DUSP22: variants seen among roughly 807,000 people sequenced by gnomAD.
DUSP22 encodes dual specificity phosphatase 22, also known as dual specificity protein phosphatase 22.
A neutral mutation model predicts 24.5 loss-of-function variants in DUSP22; 24 were observed. That is an observed-to-expected ratio of 0.98 (90% CI 0.71 to 1.38). The LOEUF is 1.38. DUSP22 is among the 40% of genes most tolerant of loss of function. The pLI is 0.00. For missense variants in DUSP22, 330 were observed against 269.2 expected (o/e 1.23, Z -1.58); for synonymous variants, 160 against 106.4 (o/e 1.50, Z -3.10).
intron 2 of DUSP22, among the ~76,000 whole-genome samples, chr6:309,157 G>A (rs1327846243): frequency 6.6e-6 from 1 of 152,312 alleles, no homozygotes; most frequent in African/African-American, 2.4e-5. Flanking sequence ...GGGGTTGGGG[G>A]TTGGCAGTGA....
At chr6:317,228 C>T (rs527671690) in intron 3 of DUSP22, among the ~76,000 whole-genome samples, 1 of 152,424 alleles carries the variant, frequency 6.6e-6, no homozygotes, top group African/African-American at 2.4e-5. Flanking sequence ...TGGACGGCCC[C>T]ATCCTTTTTC....
chr6:333,047 C>G (rs1759206333), intron 3 of DUSP22, among the ~76,000 whole-genome samples: 1 of 152,298 alleles, frequency 6.6e-6, no homozygotes, highest in African/African-American at 2.4e-5. Flanking sequence ...AAGGAAAGGA[C>G]TGAAATTACT....
chr6:293,070 T>C (rs976470035), intron 1 of DUSP22, among the ~76,000 whole-genome samples: 47 of 152,410 alleles, frequency 3.1e-4, no homozygotes, highest in South Asian at 8.3e-4. Context: ...TCCTAAGTCC[T>C]GAGCTGTTTC....
At position 350,800 on chromosome 6, in the gene DUSP22, C is replaced by T. The variant is rs1436811462; in HGVS notation, c.*1849C>T. 1 of 1,614,226 alleles carries T rather than the reference C, an allele frequency of 6.2e-7. No individual in the cohort carries two copies. The highest frequency in any genetic ancestry group is 1.1e-5 in the South Asian group (1 of 91,076). ...GAAATGTTGTTTTAATATTTGTTGCCAGTAATGTTCTTTCTTCACAGCCGC... is the reference window on the plus strand; with the variant it reads ...GAAATGTTGTTTTAATATTTGTTGCTAGTAATGTTCTTTCTTCACAGCCGC... On this transcript the variant is annotated 3_prime_UTR_variant, in exon 7 of 7. Coordinates refer to ENST00000419235, the MANE Select transcript of DUSP22 (RefSeq NM_001286555.3).
rs913632454 is a variant in DUSP22, at chr6:349,495, G to T, written c.*544G>T. The T allele has an allele frequency of 4.0e-6, 4 of 997,394 alleles. No individual in the cohort carries two copies. In the South Asian group the frequency reaches 1.3e-4, roughly 33 times the overall value. The allele number at this position is 997,394 out of a possible 1,614,324, so 61.8% of individuals were successfully genotyped here. A position where few individuals can be genotyped will look rare whatever the true frequency, so the allele number is the denominator to read the frequency against. ...CCAGCAAAGAGCAGTCTGTGCCTCT[G>T]AGCAGACCGTGAGAACTCAGGGGAC... On this transcript the variant is annotated 3_prime_UTR_variant, in exon 7 of 7. Coordinates refer to ENST00000419235, the MANE Select transcript of DUSP22 (RefSeq NM_001286555.3).
At position 326,199 on chromosome 6, in the gene DUSP22, C is replaced by G. The variant is rs987772089; in HGVS notation, c.139-8915C>G. The G allele has an allele frequency of 1.8e-5, 4 of 219,550 alleles. No homozygotes were observed. In the Admixed American group the frequency reaches 2.0e-4, roughly 11 times the overall value. 13.6% of individuals were successfully genotyped at this position (219,550 alleles called of 1,614,324 possible). On this transcript the variant is annotated intron_variant, in intron 3 of 6. Coordinates refer to ENST00000419235, the MANE Select transcript of DUSP22 (RefSeq NM_001286555.3). The stretch of plus-strand genomic sequence containing the variant: ...TATCTGCTGGTGCCTGGAGAGTCAT[C>G]TGCCCTGGGCTTCTGCGTCCTGGTG...
At chr6:345,213 C>T (rs985269447) in intron 4 of DUSP22, among the ~76,000 whole-genome samples, 1 of 150,900 alleles carries the variant, frequency 6.6e-6, no homozygotes, top group Admixed American at 6.7e-5. Flanking sequence ...AGAATAAATT[C>T]TGGTTTCTTT....
intron 4 of DUSP22, 100 bp downstream of exon 4, chr6:335,263 C>T (rs1215396256): frequency 7.3e-5 from 108 of 1,478,150 alleles, no homozygotes; most frequent in Middle Eastern, 3.4e-4. Flanking sequence ...TCAGAGCTCA[C>T]GGGACCCTTG....
At chr6:319,650 G>C (rs553670215) in intron 3 of DUSP22, among the ~76,000 whole-genome samples, 2 of 152,414 alleles carry the variant, frequency 1.3e-5, no homozygotes, top group African/African-American at 2.4e-5. Context: ...GGTGAATTCA[G>C]CTATCTTACC....
At chr6:316,342 T>G (rs962225671) in intron 3 of DUSP22, among the ~76,000 whole-genome samples, 27 of 152,278 alleles carry the variant, frequency 1.8e-4, no homozygotes, top group Non-Finnish European at 3.4e-4. Flanking sequence ...CATTGCCGCA[T>G]ATATTAATTT....
At chr6:298,357 C>T (rs1166213476) in intron 1 of DUSP22, among the ~76,000 whole-genome samples, 1 of 152,304 alleles carries the variant, frequency 6.6e-6, no homozygotes, top group Non-Finnish European at 1.5e-5. Flanking sequence ...AAAGTCCTTT[C>T]TGACATAGAA....
chr6:347,556 CAG>C (rs1759942019), intron 5 of DUSP22, among the ~76,000 whole-genome samples: 1 of 152,300 alleles, frequency 6.6e-6, no homozygotes, highest in South Asian at 2.1e-4. Context: ...CCTGCGGACA[CAG>C]TGTGCCTGCT....
intron 5 of DUSP22, among the ~76,000 whole-genome samples, chr6:347,741 C>T (rs1003514511): frequency 6.6e-5 from 10 of 152,420 alleles, no homozygotes; most frequent in South Asian, 2.1e-4. Flanking sequence ...GGGTTTGTCG[C>T]GTAGGCCCTG....
chr6:298,275 T>C (rs2666944), intron 1 of DUSP22, among the ~76,000 whole-genome samples: 152,043 of 152,430 alleles, frequency 1, 75,828 homozygotes, highest in Middle Eastern at 1. Context: ...GCATTTAAAA[T>C]GTCTCTGTGA....
intron 3 of DUSP22, among the ~76,000 whole-genome samples, chr6:315,036 G>A (rs1205912619): frequency 1.3e-5 from 2 of 152,304 alleles, no homozygotes; most frequent in African/African-American, 2.4e-5. Flanking sequence ...GGAGTGGCTG[G>A]GTGGTCTCTG....
intron 1 of DUSP22, among the ~76,000 whole-genome samples, chr6:298,307 C>T (rs1224269474): frequency 3.3e-5 from 5 of 152,422 alleles, no homozygotes; most frequent in South Asian, 2.1e-4. Flanking sequence ...TCAAGGAATC[C>T]ACCAAAGTTT....
Position 349,752 on chromosome 6 carries a change from C to T in DUSP22, c.*801C>T, listed in dbSNP as rs1259493691. On this transcript the variant is annotated 3_prime_UTR_variant, in exon 7 of 7. Transcript: ENST00000419235. ...CACCAGGCTGAGGGTTCCCTAGCGC[C>T]TTGAGTCAAGGCCACTTTTCAGCCC... The T allele has an allele frequency of 5.1e-6, 5 of 986,048 alleles. No individual in the cohort carries two copies. The highest frequency in any genetic ancestry group is 6.0e-6 in the Non-Finnish European group (5 of 830,328). The allele number at this position is 986,048 out of a possible 1,614,324, so 61.1% of individuals were successfully genotyped here.
chr6:304,919 G>A (rs1038256898), intron 2 of DUSP22, among the ~76,000 whole-genome samples: 5 of 152,402 alleles, frequency 3.3e-5, no homozygotes, highest in Non-Finnish European at 4.4e-5. Flanking sequence ...CACAACTATC[G>A]GAGCCTCCTC....
In DUSP22 at chr6:350,177, T is replaced by C. The variant is rs1232852733; in HGVS notation, c.*1226T>C. On this transcript the variant is annotated 3_prime_UTR_variant, in exon 7 of 7. Coordinates refer to ENST00000419235, the MANE Select transcript of DUSP22 (RefSeq NM_001286555.3). Reference sequence around the variant, plus strand: ...TGAAAATGTTCGGTCATGATTGCTTTTGAAACCAAAGGGGAAGGTACCGAT... The same window carrying C: ...TGAAAATGTTCGGTCATGATTGCTTCTGAAACCAAAGGGGAAGGTACCGAT... 1 of 986,136 alleles carries C rather than the reference T, an allele frequency of 1.0e-6. No individual in the cohort carries two copies. Among genetic ancestry groups the C allele is most frequent in the East Asian group, 1.1e-4 (1 of 8,840 alleles). The allele number at this position is 986,136 out of a possible 1,614,324, so 61.1% of individuals were successfully genotyped here.
Sources: allele counts gnomAD v4.1 joint callset (sites outside exome capture counted in the v4.1 genomes callset), GRCh38; gene constraint gnomAD v4.1.1; transcripts MANE v1.5; gene names NCBI Gene and HGNC (gene_info 2026-07-23, HGNC 2026-07-21).